The following TEC variants were observed in gnomAD, a reference collection of about 807,000 sequenced individuals.
The protein encoded by TEC is tyrosine-protein kinase Tec.
In TEC, 72 loss-of-function variants were observed where a neutral mutation model predicts 93.0. The observed-to-expected ratio is 0.77, with a 90% CI of 0.64 to 0.94. The LOEUF (loss-of-function observed/expected upper bound fraction) is 0.94. Among genes scored for constraint, TEC ranks in the 40% least tolerant of loss-of-function variants. The pLI, the probability that TEC is intolerant of heterozygous loss-of-function variation, is 0.00. For synonymous variants in TEC, 249 were observed against 247.7 expected, an observed-to-expected ratio of 1.01 and a Z score of -0.05; for missense variants, 630 against 757.9, an observed-to-expected ratio of 0.83 and a Z score of 1.98.
At chr4:48,168,461 T>G (rs1577717039) in intron 6 of TEC, 125 bp downstream of exon 6, 1 of 993,326 alleles carries the variant, frequency 1.0e-6, no homozygotes, top group East Asian at 2.6e-5. Flanking sequence ...GAGACGATCC[T>G]AGGGAAAAAT....
intron 2 of TEC, among the ~76,000 whole-genome samples, chr4:48,180,720 G>C (rs548646799): frequency 1.3e-5 from 2 of 152,266 alleles, no homozygotes; most frequent in South Asian, 4.1e-4. Flanking sequence ...ACACCAAAGA[G>C]GCTGTCTGAG....
chr4:48,150,715 A>G, intron 10 of TEC, 148 bp downstream of exon 10: 5 of 496,466 alleles, frequency 1.0e-5, no homozygotes, highest in African/African-American at 2.0e-5. Context: ...TACAAAAAAC[A>G]GTATATACAC....
chr4:48,198,991 T>C (rs1158261057), intron 2 of TEC, among the ~76,000 whole-genome samples: 2 of 151,856 alleles, frequency 1.3e-5, no homozygotes, highest in African/African-American at 4.8e-5. Flanking sequence ...TTGAAGCCAA[T>C]GGACAGAAAG....
At chr4:48,193,597 G>GT (rs1409315454) in intron 2 of TEC, among the ~76,000 whole-genome samples, 2 of 151,832 alleles carry the variant, frequency 1.3e-5, no homozygotes, top group Non-Finnish European at 2.9e-5. Flanking sequence ...CTTTTGGCCT[G>GT]TTTTTTTGTT....
chr4:48,145,111 G>C lies in TEC; in HGVS notation c.1438C>G (p.Leu480Val), dbSNP rs773925325. 3 of 1,613,816 alleles carry C rather than the reference G, an allele frequency of 1.9e-6. No individual in the cohort carries two copies. The highest frequency in any genetic ancestry group is 2.7e-5 in the African/African-American group (2 of 74,892). ...CQDVCEGMEYLERNSFIHRDL... is the reference protein window; with the variant it reads ...CQDVCEGMEYVERNSFIHRDL... ...CTGTGGATGAAGCTGTTTCTCTCCA[G>C]ATACTCCATCCCTTCACACACATCC... Residue 480 changes from leucine (L) to valine (V), a missense_variant, in exon 14 of 18, where the codon CTG becomes GTG. Leu to Val is a conservative substitution (Grantham distance 32). This residue lies in a region of TEC where 289 missense variants were observed against 390.0 expected (regional missense o/e 0.74). Coordinates refer to ENST00000381501, the MANE Select transcript of TEC (RefSeq NM_003215.3).
At chr4:48,265,896 C>T (rs150931563) in intron 1 of TEC, among the ~76,000 whole-genome samples, 56 of 152,304 alleles carry the variant, frequency 3.7e-4, no homozygotes, top group African/African-American at 1.2e-3. Context: ...TGCATGAAAA[C>T]AGACCCAAAC....
intron 9 of TEC, among the ~76,000 whole-genome samples, chr4:48,151,897 C>T (rs993044654): frequency 2.0e-4 from 30 of 152,158 alleles, no homozygotes; most frequent in Admixed American, 1.9e-3. Flanking sequence ...TCTCAGCTTC[C>T]AAACTGAAAA....
At chr4:48,161,928 C>T (rs2704397) in intron 8 of TEC, among the ~76,000 whole-genome samples, 9,219 of 152,192 alleles carry the variant, frequency 0.061, 947 homozygotes, top group African/African-American at 0.21. Flanking sequence ...ACTCCAAGTT[C>T]TTCAGCTTTG....
At chr4:48,236,444 GTTAA>G (rs1577663202) in intron 1 of TEC, among the ~76,000 whole-genome samples, 1 of 151,734 alleles carries the variant, frequency 6.6e-6, no homozygotes, top group Non-Finnish European at 1.5e-5. Context: ...ACTACGCCCG[GTTAA>G]TTTTTTTGTA....
chr4:48,222,066 G>A (rs1723284540), intron 2 of TEC, among the ~76,000 whole-genome samples: 1 of 152,188 alleles, frequency 6.6e-6, no homozygotes, highest in African/African-American at 2.4e-5. Flanking sequence ...CTTCTGAGAA[G>A]ATGGGGATTG....
At chr4:48,186,409 G>A (rs541901676) in intron 2 of TEC, among the ~76,000 whole-genome samples, 2 of 152,076 alleles carry the variant, frequency 1.3e-5, no homozygotes, top group South Asian at 2.1e-4. Flanking sequence ...TCTAGGAAGT[G>A]AGGAGTGTCT....
chr4:48,235,702 A>C (rs1415195760), intron 1 of TEC, among the ~76,000 whole-genome samples: 3 of 152,236 alleles, frequency 2.0e-5, no homozygotes, highest in African/African-American at 7.2e-5. Context: ...TAAGCAGACC[A>C]TAGGGGAATC....
At chr4:48,190,825 TA>T (rs1722067697) in intron 2 of TEC, among the ~76,000 whole-genome samples, 1 of 152,198 alleles carries the variant, frequency 6.6e-6, no homozygotes, top group Non-Finnish European at 1.5e-5. Context: ...ACCCTAAATA[TA>T]AAATCAGAAG....
At chr4:48,174,502 T>C (rs1323321568) in intron 3 of TEC, among the ~76,000 whole-genome samples, 2 of 152,106 alleles carry the variant, frequency 1.3e-5, no homozygotes, top group East Asian at 3.9e-4. Context: ...CTACTAAAAA[T>C]ACAAAAATTA....
At chr4:48,213,838 G>A (rs1035065352) in intron 2 of TEC, among the ~76,000 whole-genome samples, 1 of 151,940 alleles carries the variant, frequency 6.6e-6, no homozygotes, top group Non-Finnish European at 1.5e-5. Flanking sequence ...CAGGCTAGAC[G>A]TAAACTCTTG....
At chr4:48,171,073 A>C (rs2097600714) in intron 4 of TEC, among the ~76,000 whole-genome samples, 1 of 152,186 alleles carries the variant, frequency 6.6e-6, no homozygotes, top group Non-Finnish European at 1.5e-5. Context: ...AGAAAACACC[A>C]AATTCTGTTA....
chr4:48,171,287 A>G, intron 4 of TEC, 81 bp downstream of exon 4: 1 of 1,105,252 alleles, frequency 9.0e-7, no homozygotes. Context: ...CAATAGATAC[A>G]TTAGCTGTAT....
At chr4:48,168,773 C>T (rs1418277449) in intron 5 of TEC, 147 bp from the exon 6 acceptor site, 1 of 768,372 alleles carries the variant, frequency 1.3e-6, no homozygotes, top group Non-Finnish European at 2.1e-6. Flanking sequence ...CTGCTTGTAT[C>T]TCTATTCTAG....
At position 48,141,391 on chromosome 4, in the gene TEC, G is replaced by A. The variant is rs763650133; in HGVS notation, c.1499C>T (p.Ala500Val). Residue 500 changes from alanine (A) to valine (V), a missense_variant, in exon 15 of 18, where the codon GCG (alanine) becomes GTG (valine). By Grantham distance (64) the Ala-to-Val change is moderately conservative. Around this residue, in one of 3 missense-constraint regions of TEC, gnomAD observed 289 missense variants for 390.0 expected, o/e 0.74. Transcript: ENST00000381501. The stretch of plus-strand genomic sequence containing the variant: ...AAAATCAGATACTTTTACAACTCCC[G>A]CCTCACTTACTAGACAATTTCTGGC... ...LAARNCLVSE[A>V]GVVKVSDFGM... is the part of the protein sequence containing the mutation. The A allele has an allele frequency of 6.2e-6, 10 of 1,613,512 alleles. No homozygotes were observed. In the South Asian group the frequency reaches 8.8e-5, roughly 14 times the overall value.
Sources: allele counts gnomAD v4.1 joint callset (sites outside exome capture counted in the v4.1 genomes callset), GRCh38; gene constraint gnomAD v4.1.1; regional missense constraint gnomAD v4.1.1; transcripts MANE v1.5; gene names NCBI Gene and HGNC (gene_info 2026-07-23, HGNC 2026-07-21).